Variants in RCAN1 observed in about 807,000 individuals in gnomAD.
RCAN1 encodes the protein regulator of calcineurin 1, also known as calcipressin-1.
A neutral mutation model predicts 22.9 loss-of-function variants in RCAN1; 11 were observed. The ratio of observed to expected loss-of-function variants is 0.48; its 90% CI spans 0.30 to 0.79. The LOEUF is 0.79. Among genes scored for constraint, RCAN1 ranks in the 30% least tolerant of loss-of-function variants. RCAN1 has a pLI of 0.06. For synonymous variants in RCAN1, 136 were observed against 142.3 expected (o/e 0.96, Z 0.32); for missense variants, 291 against 337.8 (o/e 0.86, Z 1.09).
chr21:34,521,393 G>A (rs772967385), intron 3 of RCAN1, 106 bp downstream of exon 3: 35 of 1,584,026 alleles, frequency 2.2e-5, no homozygotes, highest in South Asian at 5.6e-5. Context: ...AAAACATGCC[G>A]GCATGGGCTC....
intron 1 of RCAN1, among the ~76,000 whole-genome samples, chr21:34,540,042 A>C (rs1383611461): frequency 6.6e-5 from 10 of 151,974 alleles, no homozygotes; most frequent in Non-Finnish European, 1.3e-4. Context: ...TATTTTCCCC[A>C]TTCTTCTTGC....
Position 34,537,823 on chromosome 21 carries a change from T to C in RCAN1, c.253-14113A>G, listed in dbSNP as rs536289560. 7.7e-4 allele frequency among the ~76,000 whole-genome samples: 109 copies of C among 142,098 alleles called. 1 individual carries two copies. In the South Asian group the frequency reaches 0.024, roughly 31 times the overall value. 93.2% of individuals were successfully genotyped at this position (142,098 alleles called of 152,430 possible). ...GGGCATGGCCCTCACTCCCACATGGTAATTGTGTGTGTGTGTGTGTGTGTA... is the reference window on the plus strand; with the variant it reads ...GGGCATGGCCCTCACTCCCACATGGCAATTGTGTGTGTGTGTGTGTGTGTA... On this transcript the variant is annotated intron_variant, in intron 1 of 3. Coordinates refer to ENST00000313806, the MANE Select transcript of RCAN1 (RefSeq NM_004414.7).
Position 34,563,790 on chromosome 21 carries a change from T to TAG in RCAN1, c.253-40081_253-40080insCT, listed in dbSNP as rs1317228429. 2.8e-3 allele frequency among the ~76,000 whole-genome samples: 235 copies of TAG among 84,320 alleles called. 1 individual carries two copies. Among genetic ancestry groups the TAG allele is most frequent in the East Asian group, 4.0e-3 (15 of 3,760 alleles). The allele number at this position is 84,320 out of a possible 152,430, so 55.3% of individuals were successfully genotyped here. ...AAAAAAATATATATATATATATATATATATAGAGAGAGAGAGAGAGAGAGA... is the reference window on the plus strand; with the variant it reads ...AAAAAAATATATATATATATATATATAGATATAGAGAGAGAGAGAGAGAGAGA... On this transcript the variant is annotated intron_variant, in intron 1 of 3. Coordinates refer to ENST00000313806, the MANE Select transcript of RCAN1 (RefSeq NM_004414.7).
chr21:34,550,774 T>C (rs768053824), intron 1 of RCAN1, among the ~76,000 whole-genome samples: 1 of 152,228 alleles, frequency 6.6e-6, no homozygotes, highest in Non-Finnish European at 1.5e-5. Flanking sequence ...CTTATAGGTC[T>C]CTACAGTTGG....
intron 1 of RCAN1, among the ~76,000 whole-genome samples, chr21:34,527,586 C>T (rs78899361): frequency 2.3e-3 from 355 of 152,270 alleles, no homozygotes; most frequent in Non-Finnish European, 4.0e-3. Context: ...TGAAACACTT[C>T]GATCATTTTC....
At chr21:34,583,600 G>A (rs893612976) in intron 1 of RCAN1, among the ~76,000 whole-genome samples, 1 of 152,190 alleles carries the variant, frequency 6.6e-6, no homozygotes, top group Admixed American at 6.5e-5. Context: ...CAGGGAGAAG[G>A]CAGCCGTCTA....
intron 1 of RCAN1, among the ~76,000 whole-genome samples, chr21:34,541,583 A>G (rs944572806): frequency 6.6e-6 from 1 of 152,234 alleles, no homozygotes; most frequent in Non-Finnish European, 1.5e-5. Flanking sequence ...ATATCTATTA[A>G]CGGATGTCCT....
chr21:34,612,328 C>T (rs1004516123), intron 1 of RCAN1, among the ~76,000 whole-genome samples: 4 of 152,236 alleles, frequency 2.6e-5, no homozygotes, highest in Non-Finnish European at 4.4e-5. Context: ...CTCATGCAAC[C>T]CTTCAAGTCC....
chr21:34,537,459 G>C (rs1024892212), intron 1 of RCAN1, among the ~76,000 whole-genome samples: 3 of 152,188 alleles, frequency 2.0e-5, no homozygotes, highest in Non-Finnish European at 4.4e-5. Flanking sequence ...TCTTTTTGGT[G>C]GTGGTGGCCC....
At chr21:34,596,762 G>C (rs1349715461) in intron 1 of RCAN1, among the ~76,000 whole-genome samples, 1 of 152,202 alleles carries the variant, frequency 6.6e-6, no homozygotes, top group East Asian at 1.9e-4. Context: ...CGAGGACTTT[G>C]CCTCCCTGCC....
chr21:34,566,196 C>A (rs986366360), intron 1 of RCAN1, among the ~76,000 whole-genome samples: 1 of 152,100 alleles, frequency 6.6e-6, no homozygotes, highest in African/African-American at 2.4e-5. Context: ...GGCAGTCCAG[C>A]CCCAGAGTGG....
intron 1 of RCAN1, among the ~76,000 whole-genome samples, chr21:34,558,957 C>A (rs1156646029): frequency 6.6e-6 from 1 of 152,208 alleles, no homozygotes; most frequent in Non-Finnish European, 1.5e-5. Context: ...GAAAGCAAGG[C>A]AGAGGTATTA....
In RCAN1 at chr21:34,615,020, C is replaced by A. The variant is rs1289213959; in HGVS notation, c.-9G>T. 2 of 1,051,582 alleles carry A rather than the reference C, an allele frequency of 1.9e-6. No individual in the cohort carries two copies. The highest frequency in any genetic ancestry group is 2.3e-6 in the Non-Finnish European group (2 of 876,160). 65.1% of individuals were successfully genotyped at this position (1,051,582 alleles called of 1,614,324 possible). ...GCCACGCCGTCCTCCATCCCCGCGCCCGCGCGACCCTGTGCGCCCCAGCGG... is the reference window on the plus strand; with the variant it reads ...GCCACGCCGTCCTCCATCCCCGCGCACGCGCGACCCTGTGCGCCCCAGCGG... On this transcript the variant is annotated 5_prime_UTR_variant, in exon 1 of 4. Transcript: ENST00000313806.
At chr21:34,596,874 C>T (rs1189559181) in intron 1 of RCAN1, among the ~76,000 whole-genome samples, 1 of 152,172 alleles carries the variant, frequency 6.6e-6, no homozygotes, top group African/African-American at 2.4e-5. Flanking sequence ...AAGGTGTCTG[C>T]GAGGCTCGGG....
chr21:34,547,286 AG>A (rs1210715385), intron 1 of RCAN1, among the ~76,000 whole-genome samples: 2 of 152,162 alleles, frequency 1.3e-5, no homozygotes, highest in Non-Finnish European at 2.9e-5. Context: ...GTTTTTACCT[AG>A]GTCTACTACT....
At chr21:34,560,983 T>C (rs938785170) in intron 1 of RCAN1, among the ~76,000 whole-genome samples, 2 of 152,180 alleles carry the variant, frequency 1.3e-5, no homozygotes, top group African/African-American at 4.8e-5. Context: ...GTGGAGGTAA[T>C]TGGATCATGG....
At chr21:34,544,527 A>C (rs1250246703) in intron 1 of RCAN1, among the ~76,000 whole-genome samples, 1 of 152,228 alleles carries the variant, frequency 6.6e-6, no homozygotes, top group African/African-American at 2.4e-5. Flanking sequence ...TTTCTGACCT[A>C]CAGACCTGTC....
chr21:34,546,645 T>G (rs1986152245), intron 1 of RCAN1, among the ~76,000 whole-genome samples: 1 of 152,128 alleles, frequency 6.6e-6, no homozygotes, highest in South Asian at 2.1e-4. Context: ...ATACTAACAA[T>G]AATTATGAGT....
At chr21:34,558,588 T>C (rs1986673598) in intron 1 of RCAN1, among the ~76,000 whole-genome samples, 1 of 152,164 alleles carries the variant, frequency 6.6e-6, no homozygotes, top group African/African-American at 2.4e-5. Context: ...CAAGAGGCTA[T>C]ATACCCTTCA....
Sources: gnomAD v4.1 joint callset for allele counts (sites outside exome capture counted in the v4.1 genomes callset) on GRCh38, gnomAD v4.1.1 for gene constraint, MANE v1.5 for transcripts, NCBI Gene and HGNC (gene_info 2026-07-23, HGNC 2026-07-21) for gene names.